The following PDE1C variants were observed in gnomAD, a reference collection of about 807,000 sequenced individuals.
PDE1C encodes phosphodiesterase 1C.
A neutral mutation model predicts 93.1 loss-of-function variants in PDE1C; 62 were observed. The ratio of observed to expected loss-of-function variants is 0.67; its 90% CI spans 0.54 to 0.82. The LOEUF (loss-of-function observed/expected upper bound fraction) is 0.82. Ranked by LOEUF, PDE1C falls within the 40% of genes least tolerant of loss-of-function variation. The pLI is 0.00. For missense variants in PDE1C, 742 were observed against 884.6 expected (o/e 0.84, Z 2.04); for synonymous variants, 325 against 310.1 (o/e 1.05, Z -0.50).
chr7:32,162,263 A>G (rs1454466390), intron 3 of PDE1C, among the ~76,000 whole-genome samples: 1 of 152,192 alleles, frequency 6.6e-6, no homozygotes, highest in African/African-American at 2.4e-5. Flanking sequence ...AAGATACTGC[A>G]TCAAATATAA....
At chr7:32,390,541 G>GAAA (rs753651084) in intron 1 of PDE1C, among the ~76,000 whole-genome samples, 6 of 93,042 alleles carry the variant, frequency 6.4e-5, no homozygotes, top group Admixed American at 2.6e-4. Context: ...AGTGATCATT[G>GAAA]AAAAAAAAAA....
At position 32,056,320 on chromosome 7, in the gene PDE1C, T is replaced by TTCTCTCTCTC. The variant is rs10648394; in HGVS notation, c.102-4750_102-4741dup. Reference sequence around the variant, plus strand: ...TCTGTTCCCTGGAATGGGTCCACCGTTCTCTCTCTCTCTCTCTCTCTCTCT... The same window carrying TTCTCTCTCTC: ...TCTGTTCCCTGGAATGGGTCCACCGTTCTCTCTCTCTCTCTCTCTCTCTCTCTCTCTCTCT... On this transcript the variant is annotated intron_variant, in intron 1 of 17. Transcript: ENST00000396191. Among the ~76,000 whole-genome samples, 226 of 111,090 alleles carry TTCTCTCTCTC rather than the reference T, an allele frequency of 2.0e-3. 1 individual carries two copies. Among genetic ancestry groups the TTCTCTCTCTC allele is most frequent in the East Asian group, 8.1e-3 (29 of 3,580 alleles). The allele number at this position is 111,090 out of a possible 152,430, so 72.9% of individuals were successfully genotyped here.
chr7:32,085,990 G>T (rs970166180), intron 3 of PDE1C, among the ~76,000 whole-genome samples: 5 of 151,752 alleles, frequency 3.3e-5, no homozygotes, highest in Non-Finnish European at 7.4e-5. Flanking sequence ...CATAGTGCTG[G>T]AAGTTCTGGC....
chr7:31,897,426 C>G (rs1381807125), intron 2 of PDE1C, among the ~76,000 whole-genome samples: 1 of 152,108 alleles, frequency 6.6e-6, no homozygotes, highest in Non-Finnish European at 1.5e-5. Flanking sequence ...ATCTTTGAAA[C>G]CAGTTTTTCT....
chr7:31,935,478 C>G (rs1228582995), intron 2 of PDE1C, among the ~76,000 whole-genome samples: 1 of 152,106 alleles, frequency 6.6e-6, no homozygotes, highest in Non-Finnish European at 1.5e-5. Context: ...AAAGGAAAAC[C>G]TATAAATAAG....
chr7:31,722,479 T>C, the PDE1C span, among the ~76,000 whole-genome samples: 1 of 152,178 alleles, frequency 6.6e-6, no homozygotes, highest in African/African-American at 2.4e-5. Flanking sequence ...TGGACAGCTG[T>C]CAAGCAGGAA....
At chr7:31,840,672 C>G (rs1791744404) in intron 9 of PDE1C, among the ~76,000 whole-genome samples, 1 of 152,046 alleles carries the variant, frequency 6.6e-6, no homozygotes, top group Non-Finnish European at 1.5e-5. Flanking sequence ...TGTTCCAAAA[C>G]CATTTGTTGA....
intron 1 of PDE1C, among the ~76,000 whole-genome samples, chr7:32,064,752 A>G (rs995882136): frequency 1.3e-5 from 2 of 152,196 alleles, no homozygotes; most frequent in African/African-American, 4.8e-5. Flanking sequence ...TTTGTTGTAT[A>G]GTAAAATGTG....
At chr7:31,999,854 C>T (rs144690763) in intron 2 of PDE1C, among the ~76,000 whole-genome samples, 22 of 152,292 alleles carry the variant, frequency 1.4e-4, no homozygotes, top group African/African-American at 5.3e-4. Flanking sequence ...AGTTCAACAG[C>T]TGAGCATGGC....
intron 2 of PDE1C, among the ~76,000 whole-genome samples, chr7:31,956,265 C>T (rs971498553): frequency 1.4e-4 from 21 of 151,910 alleles, no homozygotes; most frequent in African/African-American, 4.8e-4. Context: ...AGCTAATTTT[C>T]GTATTTTTAG....
chr7:31,972,256 C>T (rs1286819871), intron 2 of PDE1C, among the ~76,000 whole-genome samples: 1 of 152,134 alleles, frequency 6.6e-6, no homozygotes, highest in Non-Finnish European at 1.5e-5. Flanking sequence ...CTGAGAAATA[C>T]ATTTGGTGAT....
the PDE1C span, among the ~76,000 whole-genome samples, chr7:31,694,407 C>A: frequency 9.9e-4 from 150 of 151,996 alleles, no homozygotes; most frequent in Non-Finnish European, 1.3e-3. Context: ...CACACACACA[C>A]ACACACACAG....
intron 2 of PDE1C, among the ~76,000 whole-genome samples, chr7:32,032,402 A>T (rs1790451539): frequency 6.6e-6 from 1 of 152,124 alleles, no homozygotes; most frequent in Non-Finnish European, 1.5e-5. Context: ...GAGTGTCCCC[A>T]TCTCTCTGCC....
rs1562695914 is a variant in PDE1C at position 32,374,239 on chromosome 7, AAG to A, written c.310+53581_310+53582del. ...GAAAGGGAAAGAAAGAAAAAGAAAG[AAG>A]GAAGGAAAGGAAAGGAAGAAAGAAA... On this transcript the variant is annotated intron_variant, in intron 1 of 1. Coordinates refer to the PDE1C transcript ENST00000672256. Among the ~76,000 whole-genome samples, 341 of 132,414 alleles carry A rather than the reference AAG, an allele frequency of 2.6e-3. 1 individual carries two copies. The highest frequency in any genetic ancestry group is 8.9e-3 in the African/African-American group (322 of 36,328). The allele number at this position is 132,414 out of a possible 152,430, so 86.9% of individuals were successfully genotyped here.
chr7:32,259,648 T>A (rs150947023), intron 1 of PDE1C, among the ~76,000 whole-genome samples: 54 of 152,242 alleles, frequency 3.5e-4, no homozygotes, highest in Non-Finnish European at 6.0e-4. Flanking sequence ...AACAAATCAC[T>A]TCTCTTAAGG....
chr7:32,357,116 A>G (rs1784045927), intron 1 of PDE1C, among the ~76,000 whole-genome samples: 1 of 152,180 alleles, frequency 6.6e-6, no homozygotes, highest in African/African-American at 2.4e-5. Context: ...GTGGATCACG[A>G]GGTCAGGATA....
intron 1 of PDE1C, among the ~76,000 whole-genome samples, chr7:32,368,983 C>T (rs1471017854): frequency 6.6e-6 from 1 of 152,076 alleles, no homozygotes; most frequent in Non-Finnish European, 1.5e-5. Context: ...TCATCCTATA[C>T]AAAAATCAAC....
intron 1 of PDE1C, among the ~76,000 whole-genome samples, chr7:32,226,242 C>T (rs138808417): frequency 6.6e-6 from 1 of 152,280 alleles, no homozygotes; most frequent in Non-Finnish European, 1.5e-5. Flanking sequence ...CTCTGTGGGC[C>T]TGAGCTGCTT....
At chr7:31,998,010 T>A (rs372676569) in intron 2 of PDE1C, among the ~76,000 whole-genome samples, 7 of 148,660 alleles carry the variant, frequency 4.7e-5, no homozygotes, top group Admixed American at 6.8e-5. Context: ...TTTATTTTAT[T>A]TTTATTTATT....
Sources: gnomAD v4.1 joint callset for allele counts (sites outside exome capture counted in the v4.1 genomes callset) on GRCh38, gnomAD v4.1.1 for gene constraint, MANE v1.5 for transcripts, NCBI Gene and HGNC (gene_info 2026-07-23, HGNC 2026-07-21) for gene names.